LUZP2: variants seen among roughly 807,000 people sequenced by gnomAD.
LUZP2 encodes leucine zipper protein 2.
LUZP2 carries 52 observed loss-of-function variants against 51.6 expected under a neutral mutation model. That is an observed-to-expected ratio of 1.01 (90% CI 0.81 to 1.27). The LOEUF is 1.27. LUZP2 is among the 50% of genes most tolerant of loss of function. The probability of loss-of-function intolerance (pLI) is 0.00; values close to 1 mark genes in which losing one functional copy is unlikely to be tolerated. For missense variants in LUZP2, 436 were observed against 395.4 expected, an observed-to-expected ratio of 1.10 and a Z score of -0.87; for synonymous variants, 154 against 137.3, an observed-to-expected ratio of 1.12 and a Z score of -0.85.
At chr11:24,875,003 A>T (rs1180041945) in intron 5 of LUZP2, among the ~76,000 whole-genome samples, 1 of 152,158 alleles carries the variant, frequency 6.6e-6, no homozygotes, top group South Asian at 2.1e-4. Context: ...TGCTGGGGCC[A>T]TGTTCCTAAG....
intron 7 of LUZP2, among the ~76,000 whole-genome samples, chr11:24,951,117 A>G (rs953401873): frequency 1.5e-4 from 22 of 151,530 alleles, no homozygotes; most frequent in African/African-American, 4.8e-4. Context: ...ACTGGGAATA[A>G]AATGTACATT....
At chr11:24,823,389 GA>G (rs58275746) in intron 5 of LUZP2, among the ~76,000 whole-genome samples, 12,489 of 92,664 alleles carry the variant, frequency 0.13, 903 homozygotes, top group African/African-American at 0.27. Context: ...AATGAATTCA[GA>G]AAAAAAAAAA....
intron 5 of LUZP2, among the ~76,000 whole-genome samples, chr11:24,784,583 GTTTTTGTTTTCA>G (rs1489124600): frequency 6.6e-6 from 1 of 151,892 alleles, no homozygotes; most frequent in Non-Finnish European, 1.5e-5. Context: ...TTTCCAATCT[GTTTTTGTTTTCA>G]TTTTTGTTTG....
chr11:24,641,663 G>A (rs566636910), intron 1 of LUZP2, among the ~76,000 whole-genome samples: 7 of 151,640 alleles, frequency 4.6e-5, no homozygotes, highest in Non-Finnish European at 7.4e-5. Context: ...TCAAACTTCC[G>A]GATTAGTCTA....
intron 9 of LUZP2, among the ~76,000 whole-genome samples, chr11:25,027,556 C>A (rs1565249126): frequency 6.6e-6 from 1 of 152,116 alleles, no homozygotes; most frequent in African/African-American, 2.4e-5. Flanking sequence ...GTTATTATTT[C>A]TACAGCTGTT....
At chr11:24,731,427 A>C (rs539266573) in intron 2 of LUZP2, among the ~76,000 whole-genome samples, 1 of 151,724 alleles carries the variant, frequency 6.6e-6, no homozygotes, top group South Asian at 2.1e-4. Flanking sequence ...TATAAATAAG[A>C]AAGTTATTAG....
intron 5 of LUZP2, among the ~76,000 whole-genome samples, chr11:24,830,138 C>T (rs1850656551): frequency 6.6e-6 from 1 of 151,934 alleles, no homozygotes; most frequent in South Asian, 2.1e-4. Context: ...CCTTCATAAT[C>T]ACTTTAGTTT....
intron 5 of LUZP2, among the ~76,000 whole-genome samples, chr11:24,858,529 C>T (rs1205243949): frequency 6.6e-6 from 1 of 152,070 alleles, no homozygotes; most frequent in African/African-American, 2.4e-5. Flanking sequence ...TGTTACATTT[C>T]TCTGTATTTC....
rs9666696 is a variant in LUZP2 at position 24,933,674 on chromosome 11, G to A, written c.522+19136G>A. ...TAAGGCCTTTTTTTGAGAAGAGTTT[G>A]TCAAATGTTTCAGATACTATTTAAA... On this transcript the variant is annotated intron_variant, in intron 7 of 11. Coordinates refer to ENST00000336930, the MANE Select transcript of LUZP2 (RefSeq NM_001009909.4). 4.5e-3 allele frequency among the ~76,000 whole-genome samples: 685 copies of A among 152,168 alleles called. 4 individuals carry two copies. The highest frequency in any genetic ancestry group is 0.016 in the African/African-American group (657 of 41,506).
At position 24,643,298 on chromosome 11, in the gene LUZP2, A is replaced by G. The variant is rs1025245649; in HGVS notation, c.63-85871A>G. On this transcript the variant is annotated intron_variant, in intron 1 of 11. Coordinates refer to ENST00000336930, the MANE Select transcript of LUZP2 (RefSeq NM_001009909.4). ...AAAAATTAGCTGGGCGTGGTGGTGC[A>G]TCTGTCTGGGAGGTTGGGGGGTAGA... is the stretch of plus-strand genomic sequence containing the variant. Among the ~76,000 whole-genome samples the G allele has an allele frequency of 7.3e-5, 11 of 150,336 alleles. 1 individual carries two copies. The highest frequency in any genetic ancestry group is 1.0e-4 in the Non-Finnish European group (7 of 67,768).
chr11:24,540,440 GCTCT>G (rs1487364338), intron 1 of LUZP2, among the ~76,000 whole-genome samples: 1 of 152,006 alleles, frequency 6.6e-6, no homozygotes, highest in Non-Finnish European at 1.5e-5. Flanking sequence ...GAGATTGCTT[GCTCT>G]CTCTCTGTCT....
intron 10 of LUZP2, among the ~76,000 whole-genome samples, chr11:25,065,272 A>G (rs992837587): frequency 3.9e-5 from 6 of 151,980 alleles, no homozygotes; most frequent in Admixed American, 6.6e-5. Context: ...CATCTTTATT[A>G]AGGGCCAAGT....
At chr11:24,645,820 T>G (rs751471896) in intron 1 of LUZP2, among the ~76,000 whole-genome samples, 6 of 150,270 alleles carry the variant, frequency 4.0e-5, no homozygotes, top group Non-Finnish European at 7.4e-5. Context: ...CTGAAATACT[T>G]AACTTGGACA....
At chr11:25,019,646 A>G (rs1562268) in intron 9 of LUZP2, among the ~76,000 whole-genome samples, 88,902 of 151,926 alleles carry the variant, frequency 0.59, 27,236 homozygotes, top group African/African-American at 0.77. Context: ...TCAACTCAAT[A>G]GCATTTAATA....
intron 1 of LUZP2, among the ~76,000 whole-genome samples, chr11:24,694,259 G>T (rs1167783947): frequency 1.3e-5 from 2 of 151,952 alleles, no homozygotes; most frequent in Non-Finnish European, 2.9e-5. Context: ...TGTTGTTCCA[G>T]TTCAAGGATT....
intron 1 of LUZP2, among the ~76,000 whole-genome samples, chr11:24,594,783 G>A (rs1230693820): frequency 1.6e-5 from 2 of 123,890 alleles, no homozygotes; most frequent in African/African-American, 6.1e-5. Context: ...TTTTTGAGGT[G>A]GAGTCTTGCT....
chr11:24,895,112 A>T (rs1294906716), intron 5 of LUZP2, among the ~76,000 whole-genome samples: 1 of 152,166 alleles, frequency 6.6e-6, no homozygotes, highest in East Asian at 1.9e-4. Flanking sequence ...ATAAAACTCC[A>T]TGACAGATTT....
At chr11:24,790,720 T>C (rs1427049845) in intron 5 of LUZP2, among the ~76,000 whole-genome samples, 1 of 152,184 alleles carries the variant, frequency 6.6e-6, no homozygotes, top group African/African-American at 2.4e-5. Flanking sequence ...TAGGTTAGTC[T>C]CGTACTCCTG....
intron 1 of LUZP2, among the ~76,000 whole-genome samples, chr11:24,547,406 TA>T (rs1487580350): frequency 7.9e-5 from 12 of 152,012 alleles, no homozygotes; most frequent in African/African-American, 2.2e-4. Flanking sequence ...AACCCAAAAG[TA>T]AAGCTTCACA....
Sources: gnomAD v4.1 joint callset for allele counts (sites outside exome capture counted in the v4.1 genomes callset) on GRCh38, gnomAD v4.1.1 for gene constraint, MANE v1.5 for transcripts, NCBI Gene and HGNC (gene_info 2026-07-23, HGNC 2026-07-21) for gene names.